NIPBL: variants seen among roughly 807,000 people sequenced by gnomAD.
NIPBL encodes NIPBL cohesin loading factor, also known as nipped-B-like protein.
NIPBL carries 19 observed loss-of-function variants against 321.8 expected under a neutral mutation model. The observed-to-expected ratio is 0.06, with a 90% CI of 0.04 to 0.09. The LOEUF is 0.09. NIPBL is among the 10% of genes least tolerant of loss of function. NIPBL has a pLI of 1.00. For synonymous variants in NIPBL, 1,106 were observed against 1,114.1 expected (o/e 0.99, Z 0.14); for missense variants, 2,210 against 3,327.0 (o/e 0.66, Z 8.26).
intron 1 of NIPBL, among the ~76,000 whole-genome samples, chr5:36,915,871 A>T (rs1748418448): frequency 6.6e-6 from 1 of 152,222 alleles, no homozygotes; most frequent in African/African-American, 2.4e-5. Flanking sequence ...AGGCATTTGT[A>T]TCAAACTGCC....
At chr5:36,929,680 A>G (rs891936218) in intron 1 of NIPBL, among the ~76,000 whole-genome samples, 1 of 151,978 alleles carries the variant, frequency 6.6e-6, no homozygotes, top group African/African-American at 2.4e-5. Context: ...GTTTTCTCCT[A>G]TATTTTCCTT....
intron 1 of NIPBL, among the ~76,000 whole-genome samples, chr5:36,940,533 T>G (rs978128563): frequency 7.9e-5 from 12 of 152,216 alleles, no homozygotes; most frequent in African/African-American, 2.9e-4. Flanking sequence ...TCATTTCTTC[T>G]TCCGCCTTTG....
At position 37,064,978 on chromosome 5, in the gene NIPBL, C is replaced by T; in HGVS notation, c.*86C>T. On this transcript the variant is annotated 3_prime_UTR_variant, in exon 47 of 47. Transcript: ENST00000282516. ...TACCAACATTCTGGCAAAAAAAAAT[C>T]AGTTTTATGAAGAGTAAGTGGAACC... 1 of 1,542,710 alleles carries T rather than the reference C, an allele frequency of 6.5e-7. No homozygotes were observed. Among genetic ancestry groups the T allele is most frequent in the Non-Finnish European group, 8.9e-7 (1 of 1,123,648 alleles).
intron 1 of NIPBL, among the ~76,000 whole-genome samples, chr5:36,905,241 A>G (rs1747542047): frequency 6.6e-6 from 1 of 152,140 alleles, no homozygotes; most frequent in South Asian, 2.1e-4. Context: ...CTAAGAGATA[A>G]TATTACTGTA....
chr5:36,985,815 G>A lies in NIPBL; in HGVS notation c.2635G>A (p.Glu879Lys), dbSNP rs1412495704. The change falls in exon 10 of 47, where the codon GAA (glutamate) becomes AAA (lysine). Residue 879 changes from glutamate (E) to lysine (K), a missense_variant. Physicochemically the swap from Glu to Lys is moderately conservative, Grantham distance 56. This residue lies in a region of NIPBL where 588 missense variants were observed against 564.1 expected (regional missense o/e 1.04). Coordinates refer to ENST00000282516, the MANE Select transcript of NIPBL (RefSeq NM_133433.4). ...KHRHESGDSR[E>K]RPSSGEQKSR... ...CAGGCATGAATCAGGGGACTCAAGG[G>A]AAAGACCATCTTCTGGGGAACAAAA... 6 of 1,613,882 alleles carry A rather than the reference G, an allele frequency of 3.7e-6. No individual in the cohort carries two copies. In the African/African-American group the frequency reaches 4.0e-5, roughly 11 times the overall value.
chr5:37,048,807 GA>G, intron 39 of NIPBL, 132 bp downstream of exon 39: 1 of 772,074 alleles, frequency 1.3e-6, no homozygotes, highest in Middle Eastern at 3.8e-4. Context: ...TCCTTATGCT[GA>G]GGTCTATAGC....
chr5:36,917,731 T>G (rs1258966696), intron 1 of NIPBL, among the ~76,000 whole-genome samples: 1 of 152,230 alleles, frequency 6.6e-6, no homozygotes, highest in Non-Finnish European at 1.5e-5. Flanking sequence ...CAGTTTCAAC[T>G]TTCTACATAT....
chr5:36,913,599 C>T (rs116529785), intron 1 of NIPBL, among the ~76,000 whole-genome samples: 2 of 152,022 alleles, frequency 1.3e-5, no homozygotes, highest in Admixed American at 6.5e-5. Context: ...TCTTGAACTC[C>T]TGGGCTCAAG....
In NIPBL at chr5:37,013,088, A is replaced by AG. The variant is rs955208634; in HGVS notation, c.4561-1591dup. Among the ~76,000 whole-genome samples, 2 of 135,484 alleles carry AG rather than the reference A, an allele frequency of 1.5e-5. 1 individual carries two copies. Among genetic ancestry groups the AG allele is most frequent in the South Asian group, 4.9e-4 (2 of 4,100 alleles). 88.9% of individuals were successfully genotyped at this position (135,484 alleles called of 152,430 possible). On this transcript the variant is annotated intron_variant, in intron 21 of 46. Coordinates refer to ENST00000282516, the MANE Select transcript of NIPBL (RefSeq NM_133433.4). ...CTGGACGGGGCAGCTGGCCGGGCAGAGGGGCTCCTCACTTCCCAGTAGGGG... is the reference window on the plus strand; with the variant it reads ...CTGGACGGGGCAGCTGGCCGGGCAGAGGGGGCTCCTCACTTCCCAGTAGGGG...
chr5:36,983,714 A>G (rs1425846700), intron 9 of NIPBL, among the ~76,000 whole-genome samples: 1 of 152,026 alleles, frequency 6.6e-6, no homozygotes, highest in Non-Finnish European at 1.5e-5. Context: ...ATAGAAAATG[A>G]CTAGCTCCCT....
intron 30 of NIPBL, 65 bp downstream of exon 30, chr5:37,024,784 C>A: frequency 1.6e-6 from 2 of 1,277,658 alleles, no homozygotes; most frequent in African/African-American, 1.5e-5. Context: ...GTTTATTGCA[C>A]CTAAATGTTG....
At chr5:36,879,737 TA>T (rs1745367107) in intron 1 of NIPBL, among the ~76,000 whole-genome samples, 1 of 152,166 alleles carries the variant, frequency 6.6e-6, no homozygotes, top group African/African-American at 2.4e-5. Context: ...TATTTTCTCA[TA>T]CACCTAAAGG....
intron 1 of NIPBL, among the ~76,000 whole-genome samples, chr5:36,881,296 A>AT (rs70976262): frequency 0.044 from 6,474 of 146,782 alleles, 144 homozygotes; most frequent in African/African-American, 0.071. Flanking sequence ...CTTGTGTGTA[A>AT]TTTTTTTTTT....
At chr5:36,886,648 T>C (rs1009715358) in intron 1 of NIPBL, among the ~76,000 whole-genome samples, 18 of 152,026 alleles carry the variant, frequency 1.2e-4, no homozygotes, top group Admixed American at 2.6e-4. Flanking sequence ...ATTTATACAG[T>C]AAAACTCAGT....
chr5:36,993,686 A>T (rs898570749), intron 10 of NIPBL, among the ~76,000 whole-genome samples: 1 of 152,118 alleles, frequency 6.6e-6, no homozygotes, highest in African/African-American at 2.4e-5. Flanking sequence ...AAATCCCGTG[A>T]TGGATGAAAG....
intron 1 of NIPBL, among the ~76,000 whole-genome samples, chr5:36,895,234 A>T (rs185680536): frequency 2.7e-4 from 41 of 152,328 alleles, no homozygotes; most frequent in Non-Finnish European, 4.4e-4. Context: ...AGTGGAATCA[A>T]ATAATGTGCC....
intron 23 of NIPBL, 130 bp from the exon 24 acceptor site, chr5:37,016,889 A>G (rs1749058108): frequency 4.6e-6 from 3 of 649,158 alleles, no homozygotes; most frequent in Non-Finnish European, 5.0e-6. Flanking sequence ...ACTTTATGGG[A>G]CAATATCACA....
chr5:37,051,759 A>ATTTTTTT lies in NIPBL; in HGVS notation c.6955-15_6955-9dup, dbSNP rs757731487. 2.4e-6 allele frequency: 3 copies of ATTTTTTT among 1,252,314 alleles called. No homozygotes were observed. The highest frequency in any genetic ancestry group is 2.0e-4 in the Middle Eastern group (1 of 5,030). 77.6% of individuals were successfully genotyped at this position (1,252,314 alleles called of 1,614,324 possible). ...ATTTTTACTACCATGATATCTCGTAATTTTTTTTTTTATTTCCAGTGTGTG... is the reference window on the plus strand; with the variant it reads ...ATTTTTACTACCATGATATCTCGTAATTTTTTTTTTTTTTTTTTATTTCCAGTGTGTG... On this transcript the variant is annotated intron_variant, in intron 40 of 46. Transcript: ENST00000282516.
intron 1 of NIPBL, among the ~76,000 whole-genome samples, chr5:36,950,467 CT>C (rs1278447918): frequency 2.6e-5 from 4 of 152,076 alleles, no homozygotes; most frequent in Admixed American, 1.3e-4. Context: ...TCTCAGATGG[CT>C]TTGCCTGGTT....
Sources: allele counts gnomAD v4.1 joint callset (sites outside exome capture counted in the v4.1 genomes callset), GRCh38; gene constraint gnomAD v4.1.1; regional missense constraint gnomAD v4.1.1; transcripts MANE v1.5; gene names NCBI Gene and HGNC (gene_info 2026-07-23, HGNC 2026-07-21).